The following NEDD4L variants were observed in gnomAD, a reference collection of about 807,000 sequenced individuals.
NEDD4L encodes NEDD4 like E3 ubiquitin protein ligase, also known as E3 ubiquitin-protein ligase NEDD4-like.
Under a neutral mutation model 148.9 loss-of-function variants are expected in NEDD4L, and 54 were observed. That is an observed-to-expected ratio of 0.36 (90% CI 0.29 to 0.45). The LOEUF is 0.45. Ranked by LOEUF, NEDD4L falls within the 20% of genes least tolerant of loss-of-function variation. NEDD4L has a pLI of 1.00. For missense variants in NEDD4L, 856 were observed against 1,233.8 expected, an observed-to-expected ratio of 0.69 and a Z score of 4.59; for synonymous variants, 433 against 440.7, an observed-to-expected ratio of 0.98 and a Z score of 0.22.
At chr18:58,120,298 T>A (rs2086145662) in intron 1 of NEDD4L, among the ~76,000 whole-genome samples, 1 of 152,136 alleles carries the variant, frequency 6.6e-6, no homozygotes, top group Non-Finnish European at 1.5e-5. Context: ...AGGTGTGGAT[T>A]AGGCAGTCCT....
At chr18:58,298,031 AT>A (rs1197763376) in intron 5 of NEDD4L, among the ~76,000 whole-genome samples, 1 of 152,188 alleles carries the variant, frequency 6.6e-6, no homozygotes, top group South Asian at 2.1e-4. Context: ...AAGGGAAACA[AT>A]TAAAAAATAA....
At chr18:58,188,599 C>A (rs1455396676) in intron 2 of NEDD4L, among the ~76,000 whole-genome samples, 1 of 152,178 alleles carries the variant, frequency 6.6e-6, no homozygotes, top group Non-Finnish European at 1.5e-5. Context: ...TGAATCTGGC[C>A]CCAGTACACT....
chr18:58,071,941 A>T (rs1051847597), intron 1 of NEDD4L, among the ~76,000 whole-genome samples: 3 of 152,224 alleles, frequency 2.0e-5, no homozygotes, highest in Non-Finnish European at 4.4e-5. Flanking sequence ...TGCCCTTGAC[A>T]TGTGGGGATT....
intron 1 of NEDD4L, among the ~76,000 whole-genome samples, chr18:58,099,349 A>G (rs2084618944): frequency 6.6e-6 from 1 of 152,204 alleles, no homozygotes; most frequent in African/African-American, 2.4e-5. Flanking sequence ...TTTTCCTTAT[A>G]GCATCTAGGT....
intron 11 of NEDD4L, 24 bp downstream of exon 11, chr18:58,330,938 GAAA>G (rs939800386): frequency 6.2e-7 from 1 of 1,608,146 alleles, no homozygotes; most frequent in African/African-American, 1.3e-5. Flanking sequence ...TTGTTTGAAA[GAAA>G]AGCTGAGCAA....
At chr18:58,304,492 CA>C (rs1182026494) in intron 5 of NEDD4L, among the ~76,000 whole-genome samples, 1 of 152,054 alleles carries the variant, frequency 6.6e-6, no homozygotes, top group African/African-American at 2.4e-5. Flanking sequence ...TCAGCCTGGG[CA>C]ACATAACAAG....
intron 11 of NEDD4L, among the ~76,000 whole-genome samples, chr18:58,332,376 G>A (rs1173795525): frequency 2.6e-5 from 4 of 152,168 alleles, no homozygotes; most frequent in African/African-American, 9.7e-5. Flanking sequence ...GGCTGGGCAC[G>A]GTGGCTAATG....
chr18:58,350,209 A>T (rs1300997259), intron 17 of NEDD4L, among the ~76,000 whole-genome samples: 1 of 152,170 alleles, frequency 6.6e-6, no homozygotes, highest in African/African-American at 2.4e-5. Flanking sequence ...TTGGACTCCA[A>T]GGCTATTTTT....
chr18:58,248,409 C>CT lies in NEDD4L; in HGVS notation c.205-481dup, dbSNP rs200077779. 7.2e-3 allele frequency among the ~76,000 whole-genome samples: 1,087 copies of CT among 151,372 alleles called. 8 individuals are homozygous for CT. Among genetic ancestry groups the CT allele is most frequent in the African/African-American group, 9.3e-3 (383 of 41,294 alleles). On this transcript the variant is annotated intron_variant, in intron 3 of 30. Transcript: ENST00000400345. Reference sequence around the variant, plus strand: ...AATTCACTTTTGGCTTACATTTGGTCTTTTTTTTTCTTGTTATAAAATCTG... The same window carrying CT: ...AATTCACTTTTGGCTTACATTTGGTCTTTTTTTTTTCTTGTTATAAAATCTG...
chr18:58,266,877 C>A (rs1446155377), intron 5 of NEDD4L, among the ~76,000 whole-genome samples: 1 of 152,024 alleles, frequency 6.6e-6, no homozygotes, highest in Non-Finnish European at 1.5e-5. Context: ...TAAGCAGACA[C>A]CTTATTAAGA....
chr18:58,186,446 AT>A (rs558509971), intron 2 of NEDD4L, among the ~76,000 whole-genome samples: 7 of 151,814 alleles, frequency 4.6e-5, no homozygotes, highest in Non-Finnish European at 4.4e-5. Flanking sequence ...GTGAATTCAT[AT>A]TTTTTTTATA....
chr18:58,245,137 T>G (rs774279012), intron 2 of NEDD4L, among the ~76,000 whole-genome samples: 5 of 152,248 alleles, frequency 3.3e-5, no homozygotes, highest in Admixed American at 6.5e-5. Context: ...TTTTGTAAAG[T>G]CTGAACAAAA....
At chr18:58,050,068 A>C (rs1477695311) in intron 1 of NEDD4L, among the ~76,000 whole-genome samples, 1 of 151,640 alleles carries the variant, frequency 6.6e-6, no homozygotes, top group Non-Finnish European at 1.5e-5. Flanking sequence ...TTGACATTTG[A>C]ATTTTCATTA....
At chr18:58,077,593 A>G (rs74993629) in intron 1 of NEDD4L, among the ~76,000 whole-genome samples, 1 of 152,100 alleles carries the variant, frequency 6.6e-6, no homozygotes, top group Non-Finnish European at 1.5e-5. Context: ...TCCAAGCGCC[A>G]TGATAGTTTC....
At chr18:58,082,948 T>G (rs2083548452) in intron 1 of NEDD4L, among the ~76,000 whole-genome samples, 1 of 152,216 alleles carries the variant, frequency 6.6e-6, no homozygotes, top group Admixed American at 6.5e-5. Flanking sequence ...GTTTCATTCA[T>G]CAATCATTCT....
chr18:58,395,612 C>T (rs1055427459), intron 30 of NEDD4L, among the ~76,000 whole-genome samples: 2 of 152,126 alleles, frequency 1.3e-5, no homozygotes, highest in African/African-American at 4.8e-5. Context: ...TCCCGAGCCC[C>T]GGACAGCCTG....
At chr18:58,261,115 A>G (rs1365268389) in intron 5 of NEDD4L, among the ~76,000 whole-genome samples, 1 of 152,204 alleles carries the variant, frequency 6.6e-6, no homozygotes, top group African/African-American at 2.4e-5. Context: ...CATTTATGGC[A>G]TACCTGGAAA....
At chr18:58,108,698 G>A (rs979469447) in intron 1 of NEDD4L, among the ~76,000 whole-genome samples, 1 of 152,214 alleles carries the variant, frequency 6.6e-6, no homozygotes, top group Non-Finnish European at 1.5e-5. Flanking sequence ...TGCGATTACA[G>A]GCATGAGCCA....
intron 5 of NEDD4L, among the ~76,000 whole-genome samples, chr18:58,254,703 T>C (rs1600283999): frequency 6.6e-6 from 1 of 152,168 alleles, no homozygotes; most frequent in East Asian, 1.9e-4. Context: ...TCATTTTCTC[T>C]TTGAAAAGGA....
Sources: gnomAD v4.1 joint callset for allele counts (sites outside exome capture counted in the v4.1 genomes callset) on GRCh38, gnomAD v4.1.1 for gene constraint, MANE v1.5 for transcripts, NCBI Gene and HGNC (gene_info 2026-07-23, HGNC 2026-07-21) for gene names.